SLC39A11: variants seen among roughly 807,000 people sequenced by gnomAD.
SLC39A11 encodes the protein zinc transporter ZIP11.
A neutral mutation model predicts 36.1 loss-of-function variants in SLC39A11; 33 were observed. The observed-to-expected ratio is 0.91, with a 90% CI of 0.69 to 1.22. The LOEUF is 1.22. Among genes scored for constraint, SLC39A11 ranks in the 50% most tolerant of loss-of-function variants. The pLI, the probability that SLC39A11 is intolerant of heterozygous loss-of-function variation, is 0.00. For synonymous variants in SLC39A11, 166 were observed against 170.3 expected (o/e 0.97, Z 0.20); for missense variants, 432 against 430.3 (o/e 1.00, Z -0.03).
chr17:72,954,715 A>C (rs569215051), intron 4 of SLC39A11, among the ~76,000 whole-genome samples: 1 of 152,368 alleles, frequency 6.6e-6, no homozygotes, highest in Admixed American at 6.5e-5. Context: ...CCCCTGATCA[A>C]CAGTCAGAAT....
At chr17:72,751,340 C>A (rs917786021) in intron 6 of SLC39A11, among the ~76,000 whole-genome samples, 2 of 152,166 alleles carry the variant, frequency 1.3e-5, no homozygotes, top group African/African-American at 4.8e-5. Context: ...AATCCTAAAG[C>A]TTCAAACTCT....
Position 72,722,424 on chromosome 17 carries a change from G to A in SLC39A11, c.671+14226C>T, listed in dbSNP as rs376951073. Among the ~76,000 whole-genome samples the A allele has an allele frequency of 1.3e-4, 20 of 152,154 alleles. 1 individual carries two copies. The Middle Eastern group carries it at 0.014, about 104-fold the overall frequency. On this transcript the variant is annotated intron_variant, in intron 7 of 9. Transcript: ENST00000255559. ...TCGCATTGCCCAATGGAGTTCAAAC[G>A]GATTAGTTTGTATCAAGAGCATAAT...
intron 6 of SLC39A11, among the ~76,000 whole-genome samples, chr17:72,842,078 A>ATG (rs61185081): frequency 0.015 from 2,237 of 148,870 alleles, 60 homozygotes; most frequent in African/African-American, 0.045. Context: ...TCAAAAAACT[A>ATG]TGTGTGTGTG....
chr17:72,726,441 G>A (rs28705194), intron 7 of SLC39A11, among the ~76,000 whole-genome samples: 1 of 152,102 alleles, frequency 6.6e-6, no homozygotes, highest in Non-Finnish European at 1.5e-5. Flanking sequence ...AGCCCAGGAG[G>A]TCAAGGCTGC....
At chr17:72,833,122 G>A (rs979737184) in intron 6 of SLC39A11, among the ~76,000 whole-genome samples, 5 of 152,144 alleles carry the variant, frequency 3.3e-5, no homozygotes, top group African/African-American at 9.7e-5. Context: ...ATTCCCTCTT[G>A]CCTGGTCTCC....
chr17:73,071,342 A>C (rs143902095), intron 3 of SLC39A11, among the ~76,000 whole-genome samples: 2 of 152,348 alleles, frequency 1.3e-5, no homozygotes, highest in African/African-American at 4.8e-5. Flanking sequence ...AGAATGGAGC[A>C]AAAGGGCCCA....
At chr17:72,706,728 G>T (rs866149602) in intron 7 of SLC39A11, among the ~76,000 whole-genome samples, 1 of 152,220 alleles carries the variant, frequency 6.6e-6, no homozygotes, top group Non-Finnish European at 1.5e-5. Context: ...GGGGAAGAAG[G>T]GGGAGAGGTC....
chr17:72,851,308 G>C (rs1454995928), intron 5 of SLC39A11, among the ~76,000 whole-genome samples: 1 of 152,194 alleles, frequency 6.6e-6, no homozygotes, highest in Non-Finnish European at 1.5e-5. Flanking sequence ...GAGCCAAATT[G>C]TGTGGATTTG....
chr17:72,829,398 G>A (rs896214024), intron 6 of SLC39A11, among the ~76,000 whole-genome samples: 2 of 151,944 alleles, frequency 1.3e-5, no homozygotes, highest in African/African-American at 4.8e-5. Flanking sequence ...GGAAAAGGGA[G>A]ATGGGAACTA....
chr17:73,066,865 T>C (rs2060010995), intron 3 of SLC39A11, among the ~76,000 whole-genome samples: 1 of 152,242 alleles, frequency 6.6e-6, no homozygotes, highest in Non-Finnish European at 1.5e-5. Context: ...ATTTCTTCTT[T>C]ATGCCAGATT....
rs987310251 is a variant in SLC39A11, at chr17:72,900,375, T to A, written c.430+47377A>T. On this transcript the variant is annotated intron_variant, in intron 5 of 9. Coordinates refer to ENST00000255559, the MANE Select transcript of SLC39A11 (RefSeq NM_139177.4). ...AGGGAAGGAAGGGCAGGCATCAGGG[T>A]TCTGAGAAGGAGGGTGCCAGGATTA... Among the ~76,000 whole-genome samples the A allele has an allele frequency of 2.6e-5, 4 of 151,086 alleles. No individual in the cohort carries two copies. The South Asian group carries it at 6.3e-4, about 24-fold the overall frequency.
chr17:72,899,918 C>T (rs2082232730), intron 5 of SLC39A11, among the ~76,000 whole-genome samples: 1 of 150,692 alleles, frequency 6.6e-6, no homozygotes, highest in Non-Finnish European at 1.5e-5. Context: ...GCCGAGATCA[C>T]ACCACTATAT....
At chr17:72,864,259 T>C (rs545418699) in intron 5 of SLC39A11, among the ~76,000 whole-genome samples, 5 of 151,950 alleles carry the variant, frequency 3.3e-5, no homozygotes, top group Admixed American at 6.6e-5. Context: ...CCTGGCCTCA[T>C]CCACCAGATA....
chr17:72,930,761 G>T (rs1405648600), intron 5 of SLC39A11, among the ~76,000 whole-genome samples: 1 of 152,170 alleles, frequency 6.6e-6, no homozygotes. Context: ...GTATGGTGGG[G>T]CCCTAGCAAC....
At chr17:72,789,778 C>T (rs1438900281) in intron 6 of SLC39A11, among the ~76,000 whole-genome samples, 1 of 152,188 alleles carries the variant, frequency 6.6e-6, no homozygotes, top group Non-Finnish European at 1.5e-5. Flanking sequence ...CATCAATATC[C>T]AGGCCGAGAG....
At chr17:72,809,199 TTCTCTCTC>T (rs66472539) in intron 6 of SLC39A11, among the ~76,000 whole-genome samples, 84 of 102,324 alleles carry the variant, frequency 8.2e-4, no homozygotes, top group African/African-American at 2.0e-3. Flanking sequence ...TTTCTTTTCT[TTCTCTCTC>T]TCTCTCTCTC....
chr17:72,928,584 G>A (rs941111806), intron 5 of SLC39A11, among the ~76,000 whole-genome samples: 1 of 152,144 alleles, frequency 6.6e-6, no homozygotes, highest in East Asian at 1.9e-4. Flanking sequence ...GGAAGTGTAG[G>A]CTGTGGCTTT....
intron 6 of SLC39A11, among the ~76,000 whole-genome samples, chr17:72,797,545 C>T (rs1193825798): frequency 6.6e-6 from 1 of 152,022 alleles, no homozygotes. Flanking sequence ...TAATGGAAGA[C>T]AGGGCCAAGT....
chr17:73,051,880 G>T (rs1054157206), intron 3 of SLC39A11, among the ~76,000 whole-genome samples: 1 of 148,748 alleles, frequency 6.7e-6, no homozygotes, highest in Non-Finnish European at 1.5e-5. Context: ...CAAAAAGTTT[G>T]TTGGTGCCAG....
Sources: allele counts gnomAD v4.1 joint callset (sites outside exome capture counted in the v4.1 genomes callset), GRCh38; gene constraint gnomAD v4.1.1; transcripts MANE v1.5; gene names NCBI Gene and HGNC (gene_info 2026-07-23, HGNC 2026-07-21).